Variants in ARL5C observed in about 807,000 individuals in gnomAD.
ARL5C encodes putative ADP-ribosylation factor-like protein 5C.
In ARL5C, 21 loss-of-function variants were observed where a neutral mutation model predicts 20.8. That is an observed-to-expected ratio of 1.01 (90% confidence interval 0.72 to 1.46). ARL5C has a LOEUF of 1.46. Among genes scored for constraint, ARL5C ranks in the 40% most tolerant of loss-of-function variants. ARL5C has a pLI of 0.00. For synonymous variants in ARL5C, 71 were observed against 81.6 expected, an observed-to-expected ratio of 0.87 and a Z score of 0.70; for missense variants, 199 against 225.1, an observed-to-expected ratio of 0.88 and a Z score of 0.74.
chr17:39,165,844 C>G lies in ARL5C; in HGVS notation c.-84G>C, dbSNP rs2045461048. The G allele has an allele frequency of 1.3e-6, 2 of 1,487,954 alleles. No homozygotes were observed. The highest frequency in any genetic ancestry group is 1.8e-6 in the Non-Finnish European group (2 of 1,093,266). 92.2% of individuals were successfully genotyped at this position (1,487,954 alleles called of 1,614,324 possible). ...CCCTGGTATTCGGAGCTCCGCTCCCCCGGGAGGGTCTGGCAGATTTTGCCT... is the reference window on the plus strand; with the variant it reads ...CCCTGGTATTCGGAGCTCCGCTCCCGCGGGAGGGTCTGGCAGATTTTGCCT... On this transcript the variant is annotated 5_prime_UTR_variant, in exon 1 of 6. Coordinates refer to ENST00000269586, the MANE Select transcript of ARL5C (RefSeq NM_001143968.1).
chr17:39,165,769 C>A lies in ARL5C; in HGVS notation c.-9G>T. On this transcript the variant is annotated 5_prime_UTR_variant, in exon 1 of 6. Coordinates refer to ENST00000269586, the MANE Select transcript of ARL5C (RefSeq NM_001143968.1). Reference sequence around the variant, plus strand: ...GCGATCAGCTGTCCCATGGCACTTCCCGGGCCGGACAGGTGCAGGAGGGCT... The same window carrying A: ...GCGATCAGCTGTCCCATGGCACTTCACGGGCCGGACAGGTGCAGGAGGGCT... The A allele has an allele frequency of 6.4e-7, 1 of 1,551,812 alleles. No homozygotes were observed. The highest frequency in any genetic ancestry group is 8.7e-7 in the Non-Finnish European group (1 of 1,146,992).
chr17:39,163,361 T>TCTTTCTTTCTTTCTTTCTTTCTTTCTTC (rs2045445404), intron 2 of ARL5C, among the ~76,000 whole-genome samples: 4 of 123,686 alleles, frequency 3.2e-5, no homozygotes, highest in Non-Finnish European at 6.0e-5. Flanking sequence ...TTTCTTTCTT[T>TCTTTCTTTCTTTCTTTCTTTCTTTCTTC]CTTTCTTTCT....
intron 3 of ARL5C, among the ~76,000 whole-genome samples, 197 bp downstream of exon 3, chr17:39,162,514 T>G (rs374670030): frequency 1.6e-4 from 25 of 152,162 alleles, no homozygotes; most frequent in African/African-American, 6.0e-4. Flanking sequence ...TTGGCCAGGC[T>G]GGTTTCGAAC....
Position 39,162,929 on chromosome 17 carries a change from C to T in ARL5C, c.108-71G>A. On this transcript the variant is annotated intron_variant, in intron 2 of 5. Coordinates refer to ENST00000269586, the MANE Select transcript of ARL5C (RefSeq NM_001143968.1). ...CCAACTCTGGCCCCCAAATGCTCTACTCCCAAAGCAGTCTGAATCTAACTC... is the reference window on the plus strand; with the variant it reads ...CCAACTCTGGCCCCCAAATGCTCTATTCCCAAAGCAGTCTGAATCTAACTC... The T allele has an allele frequency of 2.0e-6, 3 of 1,506,208 alleles. No individual in the cohort carries two copies. In the African/African-American group the frequency reaches 4.2e-5, roughly 21 times the overall value. The allele number at this position is 1,506,208 out of a possible 1,614,324, so 93.3% of individuals were successfully genotyped here.
At chr17:39,157,289 G>A (rs1468932912) in intron 5 of ARL5C, among the ~76,000 whole-genome samples, 1 of 152,228 alleles carries the variant, frequency 6.6e-6, no homozygotes, top group Non-Finnish European at 1.5e-5. Context: ...CTCTGAGGAA[G>A]GAGCCTGGAG....
In ARL5C at chr17:39,165,105, T is replaced by C. The variant is rs1052041441; in HGVS notation, c.81A>G (p.Glu27=). The stretch of plus-strand genomic sequence containing the variant: ...ACCGGTAGAGAATGGTGGTCTTTCC[T>C]TCATTGTCCAGTCCCACGATGATGA... ...HTVIIVGLDN[E]GKTTILYRFL... The change falls in exon 2 of 6, where the codon GAA becomes GAG. Residue 27 remains glutamate, a synonymous_variant. Coordinates refer to ENST00000269586, the MANE Select transcript of ARL5C (RefSeq NM_001143968.1). 33 of 1,551,498 alleles carry C rather than the reference T, an allele frequency of 2.1e-5. No homozygotes were observed. Among genetic ancestry groups the C allele is most frequent in the Non-Finnish European group, 2.7e-5 (31 of 1,146,980 alleles).
At position 39,160,711 on chromosome 17, in the gene ARL5C, G is replaced by A. The variant is rs2045429994; in HGVS notation, c.371C>T (p.Ala124Val). ...GGAGTCCTTCACGTCCTGCTTATTGGCAAATATCAGGACTGAAGCATCCTG... is the reference window on the plus strand; with the variant it reads ...GGAGTCCTTCACGTCCTGCTTATTGACAAATATCAGGACTGAAGCATCCTG... ...ALQDASVLIF[A>V]NKQDVKDSMR... is the part of the protein sequence containing the mutation. Residue 124 changes from alanine (A) to valine (V), a missense_variant, in exon 5 of 6, where the codon GCC becomes GTC. Ala to Val is a moderately conservative substitution (Grantham distance 64). Coordinates refer to ENST00000269586, the MANE Select transcript of ARL5C (RefSeq NM_001143968.1). 1 of 1,551,650 alleles carries A rather than the reference G, an allele frequency of 6.4e-7. No individual in the cohort carries two copies.
chr17:39,157,528 G>A (rs1390692737), intron 5 of ARL5C, among the ~76,000 whole-genome samples: 2 of 152,204 alleles, frequency 1.3e-5, no homozygotes, highest in Admixed American at 6.5e-5. Flanking sequence ...AGTGGCTCAC[G>A]CCTTTAATCC....
rs1188416439 is a variant in ARL5C at position 39,165,971 on chromosome 17, C to T, written c.-211G>A. The T allele has an allele frequency of 2.9e-5, 17 of 593,340 alleles. No homozygotes were observed. The highest frequency in any genetic ancestry group is 2.9e-5 in the East Asian group (1 of 34,928). 36.8% of individuals were successfully genotyped at this position (593,340 alleles called of 1,614,324 possible). Reference sequence around the variant, plus strand: ...TGGACACCCCAGTGACTAAGGGCTGCCTGTCCCGGGCCCAAGAGGTGCAAG... The same window carrying T: ...TGGACACCCCAGTGACTAAGGGCTGTCTGTCCCGGGCCCAAGAGGTGCAAG... On this transcript the variant is annotated 5_prime_UTR_variant, in exon 1 of 6. Transcript: ENST00000269586.
intron 5 of ARL5C, among the ~76,000 whole-genome samples, chr17:39,157,532 T>G (rs801241): frequency 0.88 from 134,023 of 152,160 alleles, 59,457 homozygotes; most frequent in East Asian, 1. Context: ...GCTCACGCCT[T>G]TAATCCCAGC....
chr17:39,159,272 A>G (rs1396984472), intron 5 of ARL5C, among the ~76,000 whole-genome samples: 2 of 136,082 alleles, frequency 1.5e-5, no homozygotes, highest in Non-Finnish European at 3.1e-5. Context: ...TCCTGGCCTC[A>G]AGCCGTTTAC....
rs776280011 is a variant in ARL5C at position 39,162,752 on chromosome 17, C to A, written c.214G>T (p.Ala72Ser). The A allele has an allele frequency of 1.3e-6, 2 of 1,551,592 alleles. No individual in the cohort carries two copies. The highest frequency in any genetic ancestry group is 1.4e-5 in the African/African-American group (1 of 73,018). ...FFMWDIVRPE[A>S]LSFIWNTYYS... ...TATGTGTTCCAGATAAAGCTCAGAG[C>A]CTCAGGTCTCACTATGTCCCACATG... is the stretch of plus-strand genomic sequence containing the variant. Residue 72 changes from alanine to serine, a missense_variant, in exon 3 of 6, where the codon GCT becomes TCT. Ala to Ser is a moderately conservative substitution (Grantham distance 99). Coordinates refer to ENST00000269586, the MANE Select transcript of ARL5C (RefSeq NM_001143968.1).
chr17:39,159,172 C>T (rs570684679), intron 5 of ARL5C, among the ~76,000 whole-genome samples: 1 of 146,430 alleles, frequency 6.8e-6, no homozygotes, highest in Non-Finnish European at 1.5e-5. Context: ...GTTAGGAATA[C>T]AGGTGTGTGC....
rs1004669888 is a variant in ARL5C at position 39,162,835 on chromosome 17, A to G, written c.131T>C (p.Met44Thr). The part of the protein sequence containing the change: ...YRFLTNEVVH[M>T]CPTIGSNVEE... Reference sequence around the variant, plus strand: ...CACGTTGCTGCCAATGGTGGGACACATATGGACCACCTCATTGGTCAAGCT... The same window carrying G: ...CACGTTGCTGCCAATGGTGGGACACGTATGGACCACCTCATTGGTCAAGCT... The change falls in exon 3 of 6, where the codon ATG (methionine) becomes ACG (threonine). Residue 44 changes from methionine (M) to threonine (T), a missense_variant. By Grantham distance (81) the Met-to-Thr change is moderately conservative. Transcript: ENST00000269586. 2 of 1,550,864 alleles carry G rather than the reference A, an allele frequency of 1.3e-6. No individual in the cohort carries two copies. The highest frequency in any genetic ancestry group is 1.7e-6 in the Non-Finnish European group (2 of 1,146,986).
chr17:39,164,403 C>T (rs895658128), intron 2 of ARL5C: 1 of 152,092 alleles, frequency 6.6e-6, no homozygotes, highest in Non-Finnish European at 1.5e-5. Context: ...GTAAATAATG[C>T]TTCTGAAAAG....
At chr17:39,160,816 C>T in intron 4 of ARL5C, 74 bp from the exon 5 acceptor site, 1 of 1,500,730 alleles carries the variant, frequency 6.7e-7, no homozygotes, top group Non-Finnish European at 8.9e-7. Flanking sequence ...CACAGGCGCT[C>T]TCTGGCTCCC....
At position 39,164,935 on chromosome 17, in the gene ARL5C, A is replaced by G. The variant is rs2045455070; in HGVS notation, c.107+144T>C. 5 of 750,810 alleles carry G rather than the reference A, an allele frequency of 6.7e-6. No homozygotes were observed. In the Admixed American group the frequency reaches 1.2e-4, roughly 18 times the overall value. The allele number at this position is 750,810 out of a possible 1,614,324, so 46.5% of individuals were successfully genotyped here. A position where few individuals can be genotyped will look rare whatever the true frequency, so the allele number is the denominator to read the frequency against. Reference sequence around the variant, plus strand: ...CAGACCGAGGAGCCGCAGTACTAGGAAGGTCCAAGCAGCGTGCCCAATCGC... The same window carrying G: ...CAGACCGAGGAGCCGCAGTACTAGGGAGGTCCAAGCAGCGTGCCCAATCGC... On this transcript the variant is annotated intron_variant, in intron 2 of 5. Transcript: ENST00000269586.
chr17:39,160,777 C>T, intron 4 of ARL5C, 35 bp from the exon 5 acceptor site: 1 of 1,546,334 alleles, frequency 6.5e-7, no homozygotes, highest in Non-Finnish European at 8.7e-7. Context: ...AGTCAGCCTG[C>T]TAGTGCCCAG....
chr17:39,165,647 C>T, intron 1 of ARL5C, 68 bp downstream of exon 1: 3 of 1,545,102 alleles, frequency 1.9e-6, no homozygotes, highest in Non-Finnish European at 2.6e-6. Context: ...CGTCCGACCA[C>T]AGATCAGAGG....
Sources: allele counts gnomAD v4.1 joint callset (sites outside exome capture counted in the v4.1 genomes callset), GRCh38; gene constraint gnomAD v4.1.1; transcripts MANE v1.5; gene names NCBI Gene and HGNC (gene_info 2026-07-23, HGNC 2026-07-21).